The following ISY1 variants were observed in gnomAD, a reference collection of about 807,000 sequenced individuals.
ISY1 encodes pre-mRNA-splicing factor ISY1 homolog.
ISY1 carries 12 observed loss-of-function variants against 54.4 expected under a neutral mutation model. That is an observed-to-expected ratio of 0.22 (90% confidence interval 0.14 to 0.36). ISY1 has a LOEUF of 0.36. Among genes scored for constraint, ISY1 ranks in the 10% least tolerant of loss-of-function variants. The pLI, the probability that ISY1 is intolerant of heterozygous loss-of-function variation, is 1.00. For synonymous variants in ISY1, 96 were observed against 117.9 expected (o/e 0.81, Z 1.20); for missense variants, 282 against 342.2 (o/e 0.82, Z 1.39).
intron 5 of ISY1, among the ~76,000 whole-genome samples, chr3:129,146,158 C>A (rs1173813706): frequency 6.6e-6 from 1 of 152,130 alleles, no homozygotes; most frequent in African/African-American, 2.4e-5. Flanking sequence ...CCCAGCAGTT[C>A]CATTTATAAA....
chr3:129,143,892 G>A (rs1438573362), intron 6 of ISY1, among the ~76,000 whole-genome samples: 1 of 151,938 alleles, frequency 6.6e-6, no homozygotes, highest in East Asian at 1.9e-4. Flanking sequence ...GTGACTGAGT[G>A]TTGTTCTGCT....
chr3:129,143,826 G>C (rs1173125912), intron 6 of ISY1, among the ~76,000 whole-genome samples: 1 of 151,998 alleles, frequency 6.6e-6, no homozygotes, highest in African/African-American at 2.4e-5. Flanking sequence ...AAAAACAACG[G>C]AAGGAGAAAA....
chr3:129,152,701 C>T (rs568433401), intron 5 of ISY1, among the ~76,000 whole-genome samples: 6 of 152,202 alleles, frequency 3.9e-5, no homozygotes, highest in African/African-American at 7.2e-5. Context: ...CCACCGCGCC[C>T]GGCCATACAT....
chr3:129,133,480 G>C (rs925467067), intron 9 of ISY1, among the ~76,000 whole-genome samples: 2 of 152,210 alleles, frequency 1.3e-5, no homozygotes, highest in African/African-American at 4.8e-5. Context: ...TGGATCACAA[G>C]GTCAGGAGTT....
At chr3:129,147,788 C>G (rs1294828036) in intron 5 of ISY1, among the ~76,000 whole-genome samples, 1 of 152,098 alleles carries the variant, frequency 6.6e-6, no homozygotes, top group African/African-American at 2.4e-5. Context: ...AACCCCTCCC[C>G]CTACCCAACT....
intron 6 of ISY1, among the ~76,000 whole-genome samples, chr3:129,143,563 T>G (rs1006129433): frequency 3.1e-4 from 47 of 151,142 alleles, no homozygotes; most frequent in African/African-American, 1.1e-3. Flanking sequence ...ATCTATCATA[T>G]GATTATTTAT....
chr3:129,160,158 G>A (rs1462719486), intron 1 of ISY1, among the ~76,000 whole-genome samples: 2 of 151,872 alleles, frequency 1.3e-5, no homozygotes, highest in Non-Finnish European at 2.9e-5. Context: ...CCCGCGAAAC[G>A]GCTACTTCTA....
intron 5 of ISY1, among the ~76,000 whole-genome samples, chr3:129,151,772 G>A (rs1464103230): frequency 1.3e-5 from 2 of 152,154 alleles, no homozygotes; most frequent in Non-Finnish European, 2.9e-5. Context: ...ATATAGTGGT[G>A]AGAGTGGATG....
intron 8 of ISY1, 64 bp downstream of exon 8, chr3:129,134,768 T>C: frequency 1.3e-6 from 2 of 1,526,298 alleles, no homozygotes; most frequent in Admixed American, 4.0e-5. Flanking sequence ...GAAAATCCTG[T>C]TTTCAAAGGA....
At chr3:129,157,672 G>C (rs1937184344) in intron 3 of ISY1, among the ~76,000 whole-genome samples, 2 of 128,410 alleles carry the variant, frequency 1.6e-5, no homozygotes, top group African/African-American at 5.9e-5. Flanking sequence ...AGTGAGCCAA[G>C]ATCACGCCAC....
intron 5 of ISY1, among the ~76,000 whole-genome samples, chr3:129,156,031 TA>T (rs2107619830): frequency 6.6e-6 from 1 of 152,244 alleles, no homozygotes; most frequent in Admixed American, 6.5e-5. Flanking sequence ...TCAAATATTT[TA>T]AATTTGCTAA....
At chr3:129,147,187 C>T (rs1180031863) in intron 5 of ISY1, among the ~76,000 whole-genome samples, 1 of 151,878 alleles carries the variant, frequency 6.6e-6, no homozygotes, top group Non-Finnish European at 1.5e-5. Context: ...CCAGCCTTGG[C>T]CAACATGGGG....
chr3:129,132,834 G>A (rs1936274439), intron 9 of ISY1, among the ~76,000 whole-genome samples: 1 of 152,224 alleles, frequency 6.6e-6, no homozygotes, highest in Non-Finnish European at 1.5e-5. Context: ...TCCTGCTTCA[G>A]ACCTGCACTG....
In ISY1 at chr3:129,156,542, C is replaced by T. The variant is rs929731025; in HGVS notation, c.187+91G>A. On this transcript the variant is annotated intron_variant, in intron 5 of 10. Coordinates refer to ENST00000393295, the MANE Select transcript of ISY1 (RefSeq NM_020701.4). ...TCCTTACTGATTTACTATCTACTTG[C>T]TCTATTGATTATTTTGAAAGGAGTA... is the stretch of plus-strand genomic sequence containing the variant. The T allele has an allele frequency of 4.6e-6, 6 of 1,313,562 alleles. No homozygotes were observed. In the South Asian group the frequency reaches 6.4e-5, roughly 14 times the overall value. 81.4% of individuals were successfully genotyped at this position (1,313,562 alleles called of 1,614,324 possible). A position where few individuals can be genotyped will look rare whatever the true frequency, so the allele number is the denominator to read the frequency against.
chr3:129,130,483 C>A, intron 10 of ISY1, 67 bp downstream of exon 10: 10 of 1,583,528 alleles, frequency 6.3e-6, no homozygotes, highest in Non-Finnish European at 8.6e-6. Flanking sequence ...AAACCCACTA[C>A]AGTGCTCTGT....
At chr3:129,150,262 T>C (rs772826813) in intron 5 of ISY1, among the ~76,000 whole-genome samples, 31 of 152,196 alleles carry the variant, frequency 2.0e-4, no homozygotes, top group Non-Finnish European at 4.3e-4. Flanking sequence ...GATTGTGATA[T>C]ATTGGAAGAG....
At chr3:129,134,992 T>A (rs568770294) in intron 7 of ISY1, 38 bp from the exon 8 acceptor site, 1 of 1,577,942 alleles carries the variant, frequency 6.3e-7, no homozygotes, top group Admixed American at 1.7e-5. Context: ...TTCCAAGTCA[T>A]AATCACACTC....
intron 6 of ISY1, among the ~76,000 whole-genome samples, chr3:129,145,356 G>A (rs1936736657): frequency 6.6e-6 from 1 of 152,044 alleles, no homozygotes. Context: ...CCAAGTAGCT[G>A]GGATTACAGG....
At chr3:129,151,090 C>A (rs1332354075) in intron 5 of ISY1, among the ~76,000 whole-genome samples, 1 of 147,704 alleles carries the variant, frequency 6.8e-6, no homozygotes, top group Non-Finnish European at 1.5e-5. Context: ...CCACTGCACT[C>A]CAGCGTGGGT....
Sources: allele counts gnomAD v4.1 joint callset (sites outside exome capture counted in the v4.1 genomes callset), GRCh38; gene constraint gnomAD v4.1.1; transcripts MANE v1.5; gene names NCBI Gene and HGNC (gene_info 2026-07-23, HGNC 2026-07-21).